The following KCNC1 variants were observed in gnomAD, a reference collection of about 807,000 sequenced individuals.
KCNC1 encodes the protein potassium voltage-gated channel subfamily C member 1.
KCNC1 carries 8 observed loss-of-function variants against 43.4 expected under a neutral mutation model. The ratio of observed to expected loss-of-function variants is 0.18; its 90% CI spans 0.11 to 0.33. The LOEUF (loss-of-function observed/expected upper bound fraction) is 0.33. KCNC1 is among the 10% of genes least tolerant of loss of function. The pLI, the probability that KCNC1 is intolerant of heterozygous loss-of-function variation, is 1.00. For missense variants in KCNC1, 420 were observed against 836.0 expected, an observed-to-expected ratio of 0.50 and a Z score of 6.14; for synonymous variants, 361 against 360.5, an observed-to-expected ratio of 1.00 and a Z score of -0.01.
intron 1 of KCNC1, among the ~76,000 whole-genome samples, chr11:17,768,090 A>G (rs897149714): frequency 4.6e-5 from 7 of 152,116 alleles, no homozygotes; most frequent in Non-Finnish European, 1.5e-5. Context: ...CTCCCCATGC[A>G]CTAAAGAGCT....
intron 2 of KCNC1, 41 bp downstream of exon 2, chr11:17,772,639 C>T: frequency 6.3e-7 from 1 of 1,597,556 alleles, no homozygotes; most frequent in Non-Finnish European, 8.5e-7. Context: ...GACCTTTCAC[C>T]TCTGCCCCCT....
chr11:17,749,391 C>T (rs1848939784), intron 1 of KCNC1, among the ~76,000 whole-genome samples: 1 of 152,234 alleles, frequency 6.6e-6, no homozygotes, highest in Admixed American at 6.5e-5. Flanking sequence ...TAATACCTGA[C>T]AAGCGGGCTA....
In KCNC1 at chr11:17,771,766, C is replaced by T. The variant is rs773018717; in HGVS notation, c.672C>T (p.Ile224=). The T allele has an allele frequency of 1.9e-6, 3 of 1,614,128 alleles. No individual in the cohort carries two copies. Among genetic ancestry groups the T allele is most frequent in the African/African-American group, 1.3e-5 (1 of 74,944 alleles). ...ACCCCATCGTGAACAAGACGGAGATCGAGAACGTTCGCAATGGCACGCAAG... is the reference window on the plus strand; with the variant it reads ...ACCCCATCGTGAACAAGACGGAGATTGAGAACGTTCGCAATGGCACGCAAG... The part of the protein sequence containing the change: ...RFNPIVNKTE[I]ENVRNGTQVR... The change falls in exon 2 of 4, where the codon ATC becomes ATT. Residue 224 remains isoleucine, a synonymous_variant. Transcript: ENST00000265969. The surrounding 1 kb of genome is among the most constrained non-coding windows in gnomAD (Gnocchi z 4.7).
intron 1 of KCNC1, among the ~76,000 whole-genome samples, chr11:17,752,150 C>CA (rs1848976449): frequency 2.0e-5 from 3 of 152,164 alleles, no homozygotes; most frequent in Non-Finnish European, 2.9e-5. Context: ...CATAGGTGGC[C>CA]AATGTTGAGC....
intron 1 of KCNC1, among the ~76,000 whole-genome samples, chr11:17,741,731 CCTGA>C (rs2133779743): frequency 1.3e-5 from 2 of 152,362 alleles, no homozygotes; most frequent in African/African-American, 4.8e-5. Flanking sequence ...TTTCCTCTGA[CCTGA>C]CTGTCTCCAT....
rs1848807611 is a variant in KCNC1, at chr11:17,739,250, G to C, written c.570+2678G>C. Among the ~76,000 whole-genome samples, 1 of 152,214 alleles carries C rather than the reference G, an allele frequency of 6.6e-6. No homozygotes were observed. The highest frequency in any genetic ancestry group is 2.4e-5 in the African/African-American group (1 of 41,442). On this transcript the variant is annotated intron_variant, in intron 1 of 3. Transcript: ENST00000265969. This position sits in a 1 kb window ranked among gnomAD's most constrained non-coding sequence, Gnocchi z 4.2. ...AGGCCAGCATGTTGTGTGTGATCTTGCATATGTGTGTGAAGGAAAGGCTGT... is the reference window on the plus strand; with the variant it reads ...AGGCCAGCATGTTGTGTGTGATCTTCCATATGTGTGTGAAGGAAAGGCTGT...
At chr11:17,760,210 T>C (rs190787194) in intron 1 of KCNC1, among the ~76,000 whole-genome samples, 2 of 152,344 alleles carry the variant, frequency 1.3e-5, no homozygotes. Context: ...TCGCCTAGAA[T>C]TGAGCACTAA....
rs1451827326 is a variant in KCNC1 at position 17,781,108 on chromosome 11, C to T, written c.1694-562C>T. ...GTAAGCTCTCGTGGGCTTTCTGTCT[C>T]CATCATCTTGAATGTTAGACTGATT... On this transcript the variant is annotated intron_variant, in intron 3 of 3. Coordinates refer to ENST00000265969, the MANE Select transcript of KCNC1 (RefSeq NM_001112741.2). This position sits in a 1 kb window ranked among gnomAD's most constrained non-coding sequence, Gnocchi z 5.1. 6.6e-6 allele frequency: 1 copy of T among 152,306 alleles called. No homozygotes were observed. The highest frequency in any genetic ancestry group is 1.5e-5 in the Non-Finnish European group (1 of 68,090). 9.4% of individuals were successfully genotyped at this position (152,306 alleles called of 1,614,324 possible). A position where few individuals can be genotyped will look rare whatever the true frequency, so the allele number is the denominator to read the frequency against.
Position 17,773,418 on chromosome 11 carries a change from T to C in KCNC1, c.1504+820T>C. ...AAAAGACTAGAGGGGGCCACCACCC[T>C]GGGCAGCTTAGATGAAAGCGCTACA... On this transcript the variant is annotated intron_variant, in intron 2 of 3. Transcript: ENST00000265969. The surrounding 1 kb of genome is among the most constrained non-coding windows in gnomAD (Gnocchi z 4.1). The C allele has an allele frequency of 2.0e-6, 2 of 985,372 alleles. No individual in the cohort carries two copies. Among genetic ancestry groups the C allele is most frequent in the Non-Finnish European group, 2.4e-6 (2 of 829,932 alleles). 61.0% of individuals were successfully genotyped at this position (985,372 alleles called of 1,614,324 possible).
At chr11:17,740,867 T>C (rs1848832090) in intron 1 of KCNC1, among the ~76,000 whole-genome samples, 1 of 152,038 alleles carries the variant, frequency 6.6e-6, no homozygotes, top group African/African-American at 2.4e-5. Context: ...GGGAAGGAAA[T>C]TTACCTGGTG....
chr11:17,750,821 G>A (rs964850119), intron 1 of KCNC1, among the ~76,000 whole-genome samples: 3 of 152,100 alleles, frequency 2.0e-5, no homozygotes, highest in African/African-American at 4.8e-5. Context: ...AGCCTTTCCC[G>A]ACACCCTCTA....
rs1848772426 is a variant in KCNC1, at chr11:17,736,727, AG to A, written c.570+158del. Among the ~76,000 whole-genome samples the A allele has an allele frequency of 6.6e-6, 1 of 152,166 alleles. No individual in the cohort carries two copies. The highest frequency in any genetic ancestry group is 1.5e-5 in the Non-Finnish European group (1 of 68,026). Reference sequence around the variant, plus strand: ...GTGCACGTACCAGGGTAAGAGAGGAAGGGTGTCCGCCGGGGTTCTGGTTTTC... The same window carrying A: ...GTGCACGTACCAGGGTAAGAGAGGAAGGTGTCCGCCGGGGTTCTGGTTTTC... On this transcript the variant is annotated intron_variant, in intron 1 of 3. Coordinates refer to ENST00000265969, the MANE Select transcript of KCNC1 (RefSeq NM_001112741.2). This position sits in a 1 kb window ranked among gnomAD's most constrained non-coding sequence, Gnocchi z 9.3.
chr11:17,744,334 G>A (rs759153094), intron 1 of KCNC1, among the ~76,000 whole-genome samples: 3 of 152,154 alleles, frequency 2.0e-5, no homozygotes. Flanking sequence ...CCCAGGGCAC[G>A]TGTGAGCAAT....
At chr11:17,768,568 A>T (rs1476551927) in intron 1 of KCNC1, among the ~76,000 whole-genome samples, 1 of 130,858 alleles carries the variant, frequency 7.6e-6, no homozygotes, top group Non-Finnish European at 1.6e-5. Context: ...CTGCCCGGAG[A>T]GAGTCCCATA....
Position 17,781,599 on chromosome 11 carries a change from A to C in KCNC1, c.1694-71A>C. 1 of 1,079,176 alleles carries C rather than the reference A, an allele frequency of 9.3e-7. No individual in the cohort carries two copies. Among genetic ancestry groups the C allele is most frequent in the Non-Finnish European group, 1.4e-6 (1 of 723,262 alleles). The allele number at this position is 1,079,176 out of a possible 1,614,324, so 66.9% of individuals were successfully genotyped here. ...TCTGTCTTTCCTCCTCCTTCTTAAA[A>C]ACTAAGTACCAAGCGGGATGGGAGA... is the stretch of plus-strand genomic sequence containing the variant. On this transcript the variant is annotated intron_variant, in intron 3 of 3. Coordinates refer to ENST00000265969, the MANE Select transcript of KCNC1 (RefSeq NM_001112741.2). This position sits in a 1 kb window ranked among gnomAD's most constrained non-coding sequence, Gnocchi z 5.1.
intron 1 of KCNC1, among the ~76,000 whole-genome samples, chr11:17,767,284 CAA>C (rs71483495): frequency 2.9e-4 from 28 of 95,884 alleles, no homozygotes; most frequent in South Asian, 7.9e-4. Context: ...GACTCCGTCT[CAA>C]AAAAAAAAAA....
intron 1 of KCNC1, among the ~76,000 whole-genome samples, chr11:17,763,856 C>T (rs1849111561): frequency 6.9e-6 from 1 of 145,794 alleles, no homozygotes; most frequent in African/African-American, 2.5e-5. Flanking sequence ...CACCTCCACA[C>T]ACACCCCACC....
At chr11:17,769,199 T>C (rs145309385) in intron 1 of KCNC1, among the ~76,000 whole-genome samples, 46 of 152,246 alleles carry the variant, frequency 3.0e-4, no homozygotes, top group African/African-American at 9.6e-4. Context: ...TCTCTGAATG[T>C]ATCCTTCACC....
Position 17,774,309 on chromosome 11 carries a change from G to T in KCNC1, c.1504+1711G>T. 3.0e-6 allele frequency: 3 copies of T among 985,530 alleles called. No homozygotes were observed. In the African/African-American group the frequency reaches 5.2e-5, roughly 17 times the overall value. 61.0% of individuals were successfully genotyped at this position (985,530 alleles called of 1,614,324 possible). A position where few individuals can be genotyped will look rare whatever the true frequency, so the allele number is the denominator to read the frequency against. The stretch of plus-strand genomic sequence containing the variant: ...GGCCCAGGCCCCAGCTTCCATGTGG[G>T]CCTGGCAAGAAGAGCTCAGCCTGAG... On this transcript the variant is annotated intron_variant, in intron 2 of 3. Transcript: ENST00000265969.
Sources: gnomAD v4.1 joint callset for allele counts (sites outside exome capture counted in the v4.1 genomes callset) on GRCh38, gnomAD v4.1.1 for gene constraint, Gnocchi (gnomAD v3.1) non-coding constraint, MANE v1.5 for transcripts, NCBI Gene and HGNC (gene_info 2026-07-23, HGNC 2026-07-21) for gene names.